EP400: variants seen among roughly 807,000 people sequenced by gnomAD.
EP400 encodes E1A-binding protein p400.
In EP400, 105 loss-of-function variants were observed where a neutral mutation model predicts 354.1. That is an observed-to-expected ratio of 0.30 (90% CI 0.25 to 0.35). The LOEUF is 0.35. Among genes scored for constraint, EP400 ranks in the 10% least tolerant of loss-of-function variants. EP400 has a pLI of 1.00. For synonymous variants in EP400, 1,646 were observed against 1,716.9 expected (o/e 0.96, Z 1.02); for missense variants, 3,280 against 4,121.0 (o/e 0.80, Z 5.59).
At position 132,067,047 on chromosome 12, in the gene EP400, C is replaced by T. The variant is rs1290088858; in HGVS notation, c.8749+78C>T. 1.0e-5 allele frequency: 15 copies of T among 1,432,004 alleles called. No homozygotes were observed. The highest frequency in any genetic ancestry group is 2.9e-5 in the South Asian group (2 of 68,328). 88.7% of individuals were successfully genotyped at this position (1,432,004 alleles called of 1,614,324 possible). Reference sequence around the variant, plus strand: ...CCTCTCTGGTGGCAGTGGTCGCCAGCGACCCGTGTTCTTTCCTCACACCCA... The same window carrying T: ...CCTCTCTGGTGGCAGTGGTCGCCAGTGACCCGTGTTCTTTCCTCACACCCA... On this transcript the variant is annotated intron_variant, in intron 49 of 52. Coordinates refer to ENST00000389561, the MANE Select transcript of EP400 (RefSeq NM_015409.5). This position sits in a 1 kb window ranked among gnomAD's most constrained non-coding sequence, Gnocchi z 5.3.
intron 51 of EP400, chr12:132,076,123 G>A: frequency 2.8e-6 from 1 of 357,766 alleles, no homozygotes; most frequent in South Asian, 2.2e-5. Flanking sequence ...TAGCTGCACT[G>A]TACAGCTCAT....
rs182103037 is a variant in EP400, at chr12:132,051,799, C to T, written c.7394+1144C>T. 3.0e-3 allele frequency among the ~76,000 whole-genome samples: 451 copies of T among 152,128 alleles called. 4 individuals carry two copies. The highest frequency in any genetic ancestry group is 4.6e-3 in the Non-Finnish European group (316 of 67,960). ...AAGAGGTGGAGGAGTAGAGTTTTCT[C>T]TAAACTCCCCTGGGGAAAGGGAGAC... On this transcript the variant is annotated intron_variant, in intron 41 of 52. Coordinates refer to ENST00000389561, the MANE Select transcript of EP400 (RefSeq NM_015409.5).
rs750978139 is a variant in EP400, at chr12:132,066,854, G to A, written c.8634G>A (p.Ala2878=). The A allele has an allele frequency of 1.2e-6, 2 of 1,614,046 alleles. No homozygotes were observed. Among genetic ancestry groups the A allele is most frequent in the African/African-American group, 1.3e-5 (1 of 75,040 alleles). ...CCCAGCCAGCCCAGGTGGCCTTGGC[G>A]AAGCCTCCGGTGGTGTCCGTCCCGG... ...QAPQPAQVAL[A]KPPVVSVPAA... The change falls in exon 49 of 53, where the codon GCG becomes GCA. Residue 2878 remains alanine (A), a synonymous_variant. Transcript: ENST00000389561.
intron 2 of EP400, among the ~76,000 whole-genome samples, chr12:131,973,253 A>G (rs1892359232): frequency 6.6e-6 from 1 of 152,214 alleles, no homozygotes; most frequent in Admixed American, 6.5e-5. Context: ...TAGGAGTGAC[A>G]CTAGTGAATC....
In EP400 at chr12:132,053,389, C is replaced by CA; in HGVS notation, c.7521dup (p.Pro2508ThrfsTer74). 12 of 1,542,710 alleles carry CA rather than the reference C, an allele frequency of 7.8e-6. No individual in the cohort carries two copies. Among genetic ancestry groups the CA allele is most frequent in the Admixed American group, 5.8e-5 (3 of 52,068 alleles). On this transcript the variant is annotated frameshift_variant, in exon 43 of 53. Transcript: ENST00000389561. LOFTEE classifies it high-confidence loss of function. ...GCACAGCAGCCGGCCGTGGCCCAGCCACCCCCGCCCCAGCCGCAGCCCCCA... is the reference window on the plus strand; with the variant it reads ...GCACAGCAGCCGGCCGTGGCCCAGCCAACCCCCGCCCCAGCCGCAGCCCCCA...
Position 132,067,900 on chromosome 12 carries a change from C to T in EP400, c.8874+414C>T, listed in dbSNP as rs1331255315. On this transcript the variant is annotated intron_variant, in intron 50 of 52. Coordinates refer to ENST00000389561, the MANE Select transcript of EP400 (RefSeq NM_015409.5). This position sits in a 1 kb window ranked among gnomAD's most constrained non-coding sequence, Gnocchi z 5.3. ...CAGGGATGCCGTACAGTCTGGACCC[C>T]AGACAGGGAATGTGGCCTCTGTGCA... Among the ~76,000 whole-genome samples, 1 of 152,152 alleles carries T rather than the reference C, an allele frequency of 6.6e-6. No homozygotes were observed. Among genetic ancestry groups the T allele is most frequent in the East Asian group, 1.9e-4 (1 of 5,196 alleles).
At chr12:132,028,380 C>G (rs1388475588) in intron 27 of EP400, 92 bp downstream of exon 27, 5 of 1,483,380 alleles carry the variant, frequency 3.4e-6, no homozygotes, top group Non-Finnish European at 4.6e-6. Context: ...CATCTTACTC[C>G]CATCGGCTTC....
chr12:132,014,332 C>T (rs983039058), intron 19 of EP400, among the ~76,000 whole-genome samples: 1 of 152,218 alleles, frequency 6.6e-6, no homozygotes, highest in Non-Finnish European at 1.5e-5. Flanking sequence ...GTGTCTGTGG[C>T]GCAATGAGTC....
At chr12:132,037,498 C>G (rs879668625) in intron 30 of EP400, among the ~76,000 whole-genome samples, 184 bp from the exon 31 acceptor site, 1 of 152,102 alleles carries the variant, frequency 6.6e-6, no homozygotes, top group African/African-American at 2.4e-5. Flanking sequence ...CTCTGGGAGG[C>G]GGGAGAGCTA....
At chr12:132,035,700 A>G (rs986793715) in intron 30 of EP400, among the ~76,000 whole-genome samples, 1 of 148,898 alleles carries the variant, frequency 6.7e-6, no homozygotes. Context: ...GGAAGGGCAC[A>G]CCCAGGTTCA....
intron 27 of EP400, 72 bp downstream of exon 27, chr12:132,028,360 C>T (rs1382554977): frequency 2.0e-5 from 31 of 1,555,588 alleles, no homozygotes; most frequent in Admixed American, 1.2e-4. Flanking sequence ...CTTCTTGTCT[C>T]GTGGATGTAC....
rs368209604 is a variant in EP400 at position 132,010,467 on chromosome 12, A to G, written c.3305-1031A>G. 2.0e-4 allele frequency among the ~76,000 whole-genome samples: 31 copies of G among 151,842 alleles called. 1 individual carries two copies. The South Asian group carries it at 4.4e-3, about 21-fold the overall frequency. On this transcript the variant is annotated intron_variant, in intron 15 of 52. Transcript: ENST00000389561. ...TGTTCATATCCTTTGTTTATTTTCT[A>G]TTGGGTGGTTCTTTTCCAGGATCAG...
At chr12:131,950,645 A>T (rs1351786961) in intron 1 of EP400, among the ~76,000 whole-genome samples, 2 of 152,126 alleles carry the variant, frequency 1.3e-5, no homozygotes, top group African/African-American at 4.8e-5. Flanking sequence ...GAGCCTTAGT[A>T]ATTGCCGCTG....
At chr12:131,973,636 C>T (rs1031012117) in intron 2 of EP400, among the ~76,000 whole-genome samples, 1 of 152,134 alleles carries the variant, frequency 6.6e-6, no homozygotes, top group Non-Finnish European at 1.5e-5. Flanking sequence ...GAGCAAGACT[C>T]TGTCTCAAAA....
chr12:132,059,618 C>T (rs907265221), intron 45 of EP400, among the ~76,000 whole-genome samples: 13 of 152,144 alleles, frequency 8.5e-5, no homozygotes, highest in African/African-American at 3.1e-4. Context: ...AATAACTAAA[C>T]AGAGAAGAGA....
At chr12:132,053,801 C>G (rs1593376911) in intron 43 of EP400, among the ~76,000 whole-genome samples, 2 of 152,346 alleles carry the variant, frequency 1.3e-5, no homozygotes, top group African/African-American at 2.4e-5. Flanking sequence ...TGCCATTTCT[C>G]TCCTCCAGGG....
In EP400 at chr12:132,030,093, T is replaced by G. The variant is rs771874156; in HGVS notation, c.5689T>G (p.Phe1897Val). 1 of 1,614,236 alleles carries G rather than the reference T, an allele frequency of 6.2e-7. No individual in the cohort carries two copies. Among genetic ancestry groups the G allele is most frequent in the Non-Finnish European group, 8.5e-7 (1 of 1,180,046 alleles). ...MILMLDILEM[F>V]LNFHYLTYVR... The stretch of plus-strand genomic sequence containing the variant: ...TCTTATGTTGGACATTTTAGAGATG[T>G]TCTTGAACTTCCATTACCTCACCTA... The change falls in exon 29 of 53, where the codon TTC becomes GTC. Residue 1897 changes from phenylalanine (F) to valine (V), a missense_variant. Transcript: ENST00000389561.
At chr12:132,062,878 C>T (rs1264148539) in intron 47 of EP400, among the ~76,000 whole-genome samples, 177 bp downstream of exon 47, 2 of 152,244 alleles carry the variant, frequency 1.3e-5, no homozygotes, top group South Asian at 4.1e-4. Context: ...CATGTCATAA[C>T]ACTTTGATCA....
rs760867548 is a variant in EP400 at position 131,976,707 on chromosome 12, C to T, written c.1336-2987C>T. Reference sequence around the variant, plus strand: ...CCTGGGCGACAGAGCGAGACTCTGTCTCAAAAAAACAAAAAACAAAAACGC... The same window carrying T: ...CCTGGGCGACAGAGCGAGACTCTGTTTCAAAAAAACAAAAAACAAAAACGC... On this transcript the variant is annotated intron_variant, in intron 2 of 52. Transcript: ENST00000389561. Among the ~76,000 whole-genome samples, 45 of 152,208 alleles carry T rather than the reference C, an allele frequency of 3.0e-4. 1 individual carries two copies. Among genetic ancestry groups the T allele is most frequent in the Admixed American group, 7.2e-4 (11 of 15,292 alleles).
Sources: gnomAD v4.1 joint callset for allele counts (sites outside exome capture counted in the v4.1 genomes callset) on GRCh38, gnomAD v4.1.1 for gene constraint, Gnocchi (gnomAD v3.1) non-coding constraint, MANE v1.5 for transcripts, NCBI Gene and HGNC (gene_info 2026-07-23, HGNC 2026-07-21) for gene names.